Variants in FBLN1 observed in about 807,000 individuals in gnomAD.
FBLN1 encodes the protein fibulin-1.
Under a neutral mutation model 89.7 loss-of-function variants are expected in FBLN1, and 34 were observed. The ratio of observed to expected loss-of-function variants is 0.38; its 90% CI spans 0.29 to 0.50. FBLN1 has a LOEUF of 0.50. Ranked by LOEUF, FBLN1 falls within the 20% of genes least tolerant of loss-of-function variation. FBLN1 has a pLI of 0.92. For missense variants in FBLN1, 777 were observed against 988.1 expected (o/e 0.79, Z 2.86); for synonymous variants, 393 against 391.3 (o/e 1.00, Z -0.05).
chr22:45,546,727 T>A (rs1192404217), intron 11 of FBLN1, among the ~76,000 whole-genome samples: 2 of 152,178 alleles, frequency 1.3e-5, no homozygotes, highest in Non-Finnish European at 2.9e-5. Flanking sequence ...TGCCGTCATC[T>A]GTTTAGGATG....
In FBLN1 at chr22:45,561,175, T is replaced by C. The variant is rs555438204; in HGVS notation, c.1697+10560T>C. Among the ~76,000 whole-genome samples the C allele has an allele frequency of 9.8e-5, 15 of 152,318 alleles. No homozygotes were observed. The South Asian group carries it at 3.1e-3, about 32-fold the overall frequency. The stretch of plus-strand genomic sequence containing the variant: ...TAACAGCAGACACCTGGCGAGGCTG[T>C]GCATGCATCTTTCATTGCAGGTCAG... On this transcript the variant is annotated intron_variant, in intron 14 of 16. Transcript: ENST00000327858. The surrounding 1 kb of genome is among the most constrained non-coding windows in gnomAD (Gnocchi z 4.7).
intron 1 of FBLN1, among the ~76,000 whole-genome samples, chr22:45,504,414 T>C (rs2087990244): frequency 6.6e-6 from 1 of 151,986 alleles, no homozygotes; most frequent in Admixed American, 6.6e-5. Context: ...GGGGGCTCCC[T>C]GGAGGCTCTT....
In FBLN1 at chr22:45,535,222, T is replaced by C; in HGVS notation, c.807T>C (p.Gly269=). The change falls in exon 8 of 17, where the codon GGT becomes GGC. Residue 269 remains glycine, a synonymous_variant. Transcript: ENST00000327858. ...SCKDIDECES[G]IHNCLPDFIC... ...CAGATATTGACGAGTGTGAGAGTGGTATTCATAACTGCCTCCCCGATTTTA... is the reference window on the plus strand; with the variant it reads ...CAGATATTGACGAGTGTGAGAGTGGCATTCATAACTGCCTCCCCGATTTTA... 6.2e-7 allele frequency: 1 copy of C among 1,614,160 alleles called. No individual in the cohort carries two copies. Among genetic ancestry groups the C allele is most frequent in the Non-Finnish European group, 8.5e-7 (1 of 1,180,016 alleles).
chr22:45,599,413 G>C (rs1293858220), intron 16 of FBLN1, among the ~76,000 whole-genome samples: 2 of 152,174 alleles, frequency 1.3e-5, no homozygotes, highest in Admixed American at 1.3e-4. Context: ...CACAGCAAGG[G>C]GTCCGGAGGC....
chr22:45,592,207 G>A (rs554357694), intron 16 of FBLN1, among the ~76,000 whole-genome samples: 36 of 152,356 alleles, frequency 2.4e-4, no homozygotes, highest in African/African-American at 8.2e-4. Context: ...GGCTGAATGC[G>A]GCTGTGGGCA....
intron 1 of FBLN1, among the ~76,000 whole-genome samples, chr22:45,508,231 G>A (rs1374116230): frequency 6.6e-6 from 1 of 151,768 alleles, no homozygotes; most frequent in African/African-American, 2.4e-5. Flanking sequence ...TTGAGCTTGG[G>A]CAGCTTGGCC....
intron 14 of FBLN1, among the ~76,000 whole-genome samples, chr22:45,573,822 T>C (rs1244296848): frequency 1.3e-5 from 2 of 152,098 alleles, no homozygotes; most frequent in African/African-American, 4.8e-5. Context: ...TTTCTTGACC[T>C]GGGTGGTGAT....
chr22:45,592,111 G>C (rs1279254854), intron 16 of FBLN1, among the ~76,000 whole-genome samples: 1 of 152,180 alleles, frequency 6.6e-6, no homozygotes, highest in African/African-American at 2.4e-5. Flanking sequence ...TGTTAGCTCC[G>C]TGATCTGGAA....
chr22:45,532,908 C>T lies in FBLN1; in HGVS notation c.545-155C>T. 2 of 686,564 alleles carry T rather than the reference C, an allele frequency of 2.9e-6. No homozygotes were observed. The highest frequency in any genetic ancestry group is 4.2e-5 in the Admixed American group (2 of 47,828). 42.5% of individuals were successfully genotyped at this position (686,564 alleles called of 1,614,324 possible). ...GTCCAGAGCCAGAGCCTGGGGGTCTCCCAGTAGGGCAGCAGGTGGGCTCCA... is the reference window on the plus strand; with the variant it reads ...GTCCAGAGCCAGAGCCTGGGGGTCTTCCAGTAGGGCAGCAGGTGGGCTCCA... On this transcript the variant is annotated intron_variant, in intron 5 of 16. Transcript: ENST00000327858. This position sits in a 1 kb window ranked among gnomAD's most constrained non-coding sequence, Gnocchi z 4.2.
intron 14 of FBLN1, among the ~76,000 whole-genome samples, chr22:45,551,799 G>GCCAAGGCCATCGAACTTTCTTAATT (rs1307363122): frequency 1.3e-5 from 2 of 152,248 alleles, no homozygotes; most frequent in African/African-American, 4.8e-5. Context: ...TGCAGGCTGT[G>GCCAAGGCCATCGAACTTTCTTAATT]CAGCCGTCTG....
In FBLN1 at chr22:45,548,596, G is replaced by A. The variant is rs2088661271; in HGVS notation, c.1442-17G>A. On this transcript the variant is annotated splice_polypyrimidine_tract_variant and intron_variant, in intron 12 of 16. Coordinates refer to ENST00000327858, the MANE Select transcript of FBLN1 (RefSeq NM_006486.3). Reference sequence around the variant, plus strand: ...GGTGCCAGGACACTGAGGCTGAGGTGGGCTTTGCCGTTGCAGACATCGACG... The same window carrying A: ...GGTGCCAGGACACTGAGGCTGAGGTAGGCTTTGCCGTTGCAGACATCGACG... 1 of 1,613,226 alleles carries A rather than the reference G, an allele frequency of 6.2e-7. No homozygotes were observed. Among genetic ancestry groups the A allele is most frequent in the Non-Finnish European group, 8.5e-7 (1 of 1,179,956 alleles).
At chr22:45,534,661 C>T (rs565800195) in intron 7 of FBLN1, among the ~76,000 whole-genome samples, 3 of 152,332 alleles carry the variant, frequency 2.0e-5, no homozygotes, top group South Asian at 2.1e-4. Flanking sequence ...TCCCCACCCC[C>T]ACACACCAGC....
intron 1 of FBLN1, among the ~76,000 whole-genome samples, chr22:45,517,015 A>G (rs895235005): frequency 2.6e-5 from 4 of 152,216 alleles, no homozygotes; most frequent in Admixed American, 2.6e-4. Flanking sequence ...GGAGCATCTG[A>G]AGGACGCATA....
chr22:45,521,616 C>T (rs1304386089), intron 2 of FBLN1, among the ~76,000 whole-genome samples: 1 of 152,206 alleles, frequency 6.6e-6, no homozygotes, highest in Non-Finnish European at 1.5e-5. Flanking sequence ...AATCAGAGGC[C>T]AAGCCTGGGC....
rs2089062896 is a variant in FBLN1 at position 45,583,876 on chromosome 22, T to C, written c.1972+6768T>C. On this transcript the variant is annotated intron_variant, in intron 16 of 16. Coordinates refer to ENST00000327858, the MANE Select transcript of FBLN1 (RefSeq NM_006486.3). This position sits in a 1 kb window ranked among gnomAD's most constrained non-coding sequence, Gnocchi z 4.5. ...GGTCCAGGGTGTTATCCAGGCAGGT[T>C]TCCCGTGAGGAATTCTAACTGGGGG... 6.6e-6 allele frequency among the ~76,000 whole-genome samples: 1 copy of C among 152,102 alleles called. No individual in the cohort carries two copies. Among genetic ancestry groups the C allele is most frequent in the Non-Finnish European group, 1.5e-5 (1 of 67,988 alleles).
chr22:45,541,253 G>T lies in FBLN1; in HGVS notation c.947G>T (p.Ser316Ile). 2 of 1,614,252 alleles carry T rather than the reference G, an allele frequency of 1.2e-6. No homozygotes were observed. The highest frequency in any genetic ancestry group is 1.7e-6 in the Non-Finnish European group (2 of 1,180,042). ...CIDINECLSI[S>I]APCPIGHTCI... Reference sequence around the variant, plus strand: ...GATATCAATGAGTGTTTGAGTATCAGTGCCCCGTGCCCTATCGGGCATACA... The same window carrying T: ...GATATCAATGAGTGTTTGAGTATCATTGCCCCGTGCCCTATCGGGCATACA... Residue 316 changes from serine to isoleucine, a missense_variant, in exon 9 of 17, where the codon AGT becomes ATT. Coordinates refer to ENST00000327858, the MANE Select transcript of FBLN1 (RefSeq NM_006486.3).
At chr22:45,547,225 T>G in intron 12 of FBLN1, 21 bp downstream of exon 12, 1 of 1,612,854 alleles carries the variant, frequency 6.2e-7, no homozygotes, top group South Asian at 1.1e-5. Context: ...CCCTGCCTGC[T>G]GAGGGGGAAA....
intron 10 of FBLN1, among the ~76,000 whole-genome samples, chr22:45,543,138 A>AT (rs1242642533): frequency 6.6e-6 from 1 of 152,212 alleles, no homozygotes; most frequent in Non-Finnish European, 1.5e-5. Flanking sequence ...GTGGTGGCAC[A>AT]TGCCTGTAAT....
chr22:45,515,038 C>G (rs1392239889), intron 1 of FBLN1, among the ~76,000 whole-genome samples: 1 of 152,206 alleles, frequency 6.6e-6, no homozygotes, highest in Non-Finnish European at 1.5e-5. Flanking sequence ...TCAGCTTCCT[C>G]TGTTCTTAAT....
Sources: allele counts gnomAD v4.1 joint callset (sites outside exome capture counted in the v4.1 genomes callset), GRCh38; gene constraint gnomAD v4.1.1; non-coding constraint Gnocchi (gnomAD v3.1); transcripts MANE v1.5; gene names NCBI Gene and HGNC (gene_info 2026-07-23, HGNC 2026-07-21).